The following ERC2 variants were observed in gnomAD, a reference collection of about 807,000 sequenced individuals.
ERC2 encodes the protein ELKS/RAB6-interacting/CAST family member 2, also known as ERC protein 2.
ERC2 carries 42 observed loss-of-function variants against 114.8 expected under a neutral mutation model. The ratio of observed to expected loss-of-function variants is 0.37; its 90% confidence interval spans 0.29 to 0.47. The LOEUF (loss-of-function observed/expected upper bound fraction) is 0.47. Among genes scored for constraint, ERC2 ranks in the 20% least tolerant of loss-of-function variants. The pLI is 0.99. For missense variants in ERC2, 939 were observed against 1,150.7 expected (o/e 0.82, Z 2.66); for synonymous variants, 454 against 425.5 (o/e 1.07, Z -0.82).
At chr3:55,820,505 A>G (rs769226498) in intron 14 of ERC2, among the ~76,000 whole-genome samples, 1 of 152,224 alleles carries the variant, frequency 6.6e-6, no homozygotes, top group Non-Finnish European at 1.5e-5. Context: ...TTTTAATAAC[A>G]ACACTTACTG....
intron 2 of ERC2, among the ~76,000 whole-genome samples, chr3:56,384,867 G>T (rs2059878772): frequency 6.6e-6 from 1 of 152,096 alleles, no homozygotes; most frequent in South Asian, 2.1e-4. Flanking sequence ...TATGATATAA[G>T]GTAAGGGTCC....
intron 14 of ERC2, among the ~76,000 whole-genome samples, chr3:55,884,632 A>T (rs2063280616): frequency 6.6e-6 from 1 of 152,162 alleles, no homozygotes; most frequent in African/African-American, 2.4e-5. Flanking sequence ...ATGGAACATG[A>T]ACCACCACCT....
intron 9 of ERC2, 119 bp downstream of exon 9, chr3:56,010,330 T>G (rs899697618): frequency 3.2e-6 from 4 of 1,237,372 alleles, no homozygotes; most frequent in Middle Eastern, 2.9e-4. Flanking sequence ...AAAGAAAGGT[T>G]ACTACATTCC....
At chr3:55,514,597 A>G (rs2052356091) in intron 17 of ERC2, among the ~76,000 whole-genome samples, 1 of 152,230 alleles carries the variant, frequency 6.6e-6, no homozygotes, top group South Asian at 2.1e-4. Flanking sequence ...TGATGGAGGG[A>G]GCCAGGGGCA....
At chr3:56,114,734 A>T (rs2079135827) in intron 6 of ERC2, among the ~76,000 whole-genome samples, 2 of 152,232 alleles carry the variant, frequency 1.3e-5, no homozygotes, top group South Asian at 4.1e-4. Context: ...ACAGTGAAAG[A>T]GATCGGACCT....
intron 2 of ERC2, among the ~76,000 whole-genome samples, chr3:56,349,763 A>G (rs2058478524): frequency 6.6e-6 from 1 of 152,074 alleles, no homozygotes; most frequent in South Asian, 2.1e-4. Flanking sequence ...AAACACAAAA[A>G]TTAGCCAGGC....
At chr3:55,713,209 TA>T (rs1190036875) in intron 15 of ERC2, among the ~76,000 whole-genome samples, 35 of 150,900 alleles carry the variant, frequency 2.3e-4, no homozygotes, top group East Asian at 2.2e-3. Flanking sequence ...TTTTCCTTAT[TA>T]AAAAAAAATT....
chr3:55,684,161 T>G (rs546206101), intron 16 of ERC2, among the ~76,000 whole-genome samples: 12 of 152,334 alleles, frequency 7.9e-5, no homozygotes, highest in African/African-American at 2.9e-4. Context: ...TAGCAGATGA[T>G]TATTTTTTTG....
intron 14 of ERC2, among the ~76,000 whole-genome samples, chr3:55,781,153 C>T (rs1208011084): frequency 6.6e-6 from 1 of 152,158 alleles, no homozygotes; most frequent in Non-Finnish European, 1.5e-5. Flanking sequence ...ACTCTGTCAA[C>T]ACTCAAAATA....
intron 7 of ERC2, among the ~76,000 whole-genome samples, chr3:56,065,371 C>T (rs1470200521): frequency 6.6e-6 from 1 of 152,008 alleles, no homozygotes; most frequent in African/African-American, 2.4e-5. Flanking sequence ...TACAGGCACG[C>T]ACTACCATGC....
chr3:56,333,583 T>C (rs936061899), intron 2 of ERC2, among the ~76,000 whole-genome samples: 1 of 152,228 alleles, frequency 6.6e-6, no homozygotes, highest in Non-Finnish European at 1.5e-5. Context: ...TATGTCTATG[T>C]AAAAGATCAC....
intron 3 of ERC2, among the ~76,000 whole-genome samples, chr3:56,186,828 C>T (rs1575738358): frequency 6.6e-6 from 1 of 152,152 alleles, no homozygotes. Context: ...CATAAGCCAC[C>T]GCACCCGGCC....
chr3:56,131,515 T>C (rs141779502), intron 6 of ERC2, among the ~76,000 whole-genome samples: 3 of 152,288 alleles, frequency 2.0e-5, no homozygotes, highest in African/African-American at 7.2e-5. Context: ...TTGAATGCAG[T>C]GACTATGAAG....
At chr3:55,537,980 G>A (rs1356038983) in intron 17 of ERC2, among the ~76,000 whole-genome samples, 1 of 152,178 alleles carries the variant, frequency 6.6e-6, no homozygotes, top group Non-Finnish European at 1.5e-5. Context: ...TCTGGTAGGT[G>A]TGTGGGAGGC....
At chr3:55,883,122 T>C (rs2063189722) in intron 14 of ERC2, among the ~76,000 whole-genome samples, 1 of 152,264 alleles carries the variant, frequency 6.6e-6, no homozygotes, top group Non-Finnish European at 1.5e-5. Flanking sequence ...TGAATATTTA[T>C]ACATTTTTTA....
chr3:56,052,161 G>T (rs915261443), intron 7 of ERC2, among the ~76,000 whole-genome samples: 1 of 152,164 alleles, frequency 6.6e-6, no homozygotes, highest in Non-Finnish European at 1.5e-5. Context: ...CAGAGGAAGC[G>T]CCATCAAGGA....
chr3:56,311,044 C>T (rs114657999), intron 2 of ERC2, among the ~76,000 whole-genome samples: 2,073 of 151,384 alleles, frequency 0.014, 50 homozygotes, highest in Non-Finnish European at 0.013. Context: ...CTATGAGTGG[C>T]GCCCCCAATG....
At position 56,148,913 on chromosome 3, in the gene ERC2, T is replaced by C. The variant is rs181163279; in HGVS notation, c.1305+64A>G. 95 of 1,437,202 alleles carry C rather than the reference T, an allele frequency of 6.6e-5. No individual in the cohort carries two copies. In the African/African-American group the frequency reaches 1.0e-3, roughly 15 times the overall value. 89.0% of individuals were successfully genotyped at this position (1,437,202 alleles called of 1,614,324 possible). A position where few individuals can be genotyped will look rare whatever the true frequency, so the allele number is the denominator to read the frequency against. On this transcript the variant is annotated intron_variant, in intron 5 of 17. Transcript: ENST00000288221. ...TTATATGGAGTATTTGGAAAAAGTATGTATGTAAACTGTAACTTTCTAGTC... is the reference window on the plus strand; with the variant it reads ...TTATATGGAGTATTTGGAAAAAGTACGTATGTAAACTGTAACTTTCTAGTC...
chr3:56,195,618 C>T (rs1257236185), intron 3 of ERC2, among the ~76,000 whole-genome samples: 2 of 151,538 alleles, frequency 1.3e-5, no homozygotes, highest in Non-Finnish European at 2.9e-5. Context: ...TTGCTGGAGT[C>T]CAGGAGTTCA....
Sources: gnomAD v4.1 joint callset for allele counts (sites outside exome capture counted in the v4.1 genomes callset) on GRCh38, gnomAD v4.1.1 for gene constraint, MANE v1.5 for transcripts, NCBI Gene and HGNC (gene_info 2026-07-23, HGNC 2026-07-21) for gene names.